The following DAP variants were observed in gnomAD, a reference collection of about 807,000 sequenced individuals.
The protein encoded by DAP is death associated protein, also known as death-associated protein 1.
DAP carries 8 observed loss-of-function variants against 13.8 expected under a neutral mutation model. The observed-to-expected ratio is 0.58, with a 90% CI of 0.34 to 1.05. The LOEUF (loss-of-function observed/expected upper bound fraction) is 1.05, where lower values mean the gene tolerates loss of function less well. Among genes scored for constraint, DAP ranks in the 50% least tolerant of loss-of-function variants. The pLI, the probability that DAP is intolerant of heterozygous loss-of-function variation, is 0.03. For missense variants in DAP, 106 were observed against 133.2 expected (o/e 0.80, Z 1.01); for synonymous variants, 47 against 47.5 (o/e 0.99, Z 0.04).
At chr5:10,696,618 TGACAA>T (rs1355722949) in intron 2 of DAP, among the ~76,000 whole-genome samples, 1 of 152,234 alleles carries the variant, frequency 6.6e-6, no homozygotes, top group African/African-American at 2.4e-5. Flanking sequence ...AGGCCTCCAC[TGACAA>T]GCTCATGTTT....
intron 2 of DAP, among the ~76,000 whole-genome samples, chr5:10,728,569 G>A (rs1306781573): frequency 6.6e-6 from 1 of 152,244 alleles, no homozygotes; most frequent in Non-Finnish European, 1.5e-5. Flanking sequence ...GCTACTAATT[G>A]ATAATTTTAC....
At chr5:10,743,100 T>C (rs1739802565) in intron 2 of DAP, among the ~76,000 whole-genome samples, 1 of 152,194 alleles carries the variant, frequency 6.6e-6, no homozygotes, top group Admixed American at 6.5e-5. Context: ...ATCCTAGTAT[T>C]CACATAAGGC....
chr5:10,728,513 C>T (rs926852666), intron 2 of DAP, among the ~76,000 whole-genome samples: 3 of 152,150 alleles, frequency 2.0e-5, no homozygotes, highest in African/African-American at 7.2e-5. Context: ...TAAATATAAA[C>T]GGATGTATGG....
intron 2 of DAP, among the ~76,000 whole-genome samples, chr5:10,685,549 A>C (rs1268842284): frequency 6.6e-6 from 1 of 152,236 alleles, no homozygotes; most frequent in Non-Finnish European, 1.5e-5. Flanking sequence ...GGCAGCACAA[A>C]GTTTCTTAAC....
intron 2 of DAP, among the ~76,000 whole-genome samples, chr5:10,700,574 C>T (rs766636125): frequency 4.6e-5 from 7 of 152,130 alleles, no homozygotes; most frequent in Non-Finnish European, 8.8e-5. Context: ...CCAGGGGCAG[C>T]GTGGATGTGT....
intron 2 of DAP, among the ~76,000 whole-genome samples, chr5:10,700,245 A>G (rs775575531): frequency 2.0e-4 from 31 of 152,186 alleles, no homozygotes; most frequent in Non-Finnish European, 3.2e-4. Context: ...CTTCTTCCAC[A>G]TGGCTGGGCA....
intron 2 of DAP, among the ~76,000 whole-genome samples, chr5:10,741,858 C>T (rs192813741): frequency 1.3e-5 from 2 of 152,354 alleles, no homozygotes; most frequent in Admixed American, 6.5e-5. Context: ...GAAGGTGGTG[C>T]TCTGCCTTCT....
At chr5:10,708,440 C>A (rs1188872201) in intron 2 of DAP, among the ~76,000 whole-genome samples, 3 of 92,966 alleles carry the variant, frequency 3.2e-5, no homozygotes, top group African/African-American at 9.4e-5. Context: ...ATACACATAT[C>A]AGACACACAC....
chr5:10,701,988 C>G (rs1315197553), intron 2 of DAP, among the ~76,000 whole-genome samples: 2 of 152,194 alleles, frequency 1.3e-5, no homozygotes, highest in African/African-American at 4.8e-5. Context: ...TCAAGGCTGG[C>G]TCATGTTCTC....
At position 10,739,201 on chromosome 5, in the gene DAP, C is replaced by CAAAAA. The variant is rs10644743; in HGVS notation, c.152+8969_152+8973dup. 3.6e-3 allele frequency among the ~76,000 whole-genome samples: 261 copies of CAAAAA among 71,592 alleles called. 13 individuals are homozygous for CAAAAA. The highest frequency in any genetic ancestry group is 0.011 in the African/African-American group (189 of 17,988). The allele number at this position is 71,592 out of a possible 152,430, so 47.0% of individuals were successfully genotyped here. A position where few individuals can be genotyped will look rare whatever the true frequency, so the allele number is the denominator to read the frequency against. On this transcript the variant is annotated intron_variant, in intron 2 of 3. Transcript: ENST00000230895. The stretch of plus-strand genomic sequence containing the variant: ...TGGGTGACAGAGCAAGACTCTGAAT[C>CAAAAA]AAAAAAAAAAAAAAAAAAAAAAAAA...
chr5:10,698,851 G>A (rs1738496312), intron 2 of DAP, among the ~76,000 whole-genome samples: 1 of 152,062 alleles, frequency 6.6e-6, no homozygotes, highest in Non-Finnish European at 1.5e-5. Flanking sequence ...TAAAATGAAG[G>A]TATGTTCCAA....
intron 2 of DAP, among the ~76,000 whole-genome samples, chr5:10,723,874 C>A (rs1352237673): frequency 6.6e-6 from 1 of 152,154 alleles, no homozygotes; most frequent in African/African-American, 2.4e-5. Context: ...GAAGGAGAGT[C>A]GCACATCTTG....
chr5:10,759,761 T>TTTTTTTG (rs1740292502), intron 1 of DAP, among the ~76,000 whole-genome samples: 1 of 145,836 alleles, frequency 6.9e-6, no homozygotes, highest in Non-Finnish European at 1.5e-5. Flanking sequence ...TTTTTTTTTT[T>TTTTTTTG]TTTTTTTGAG....
chr5:10,693,120 ACACG>A lies in DAP; in HGVS notation c.153-9553_153-9550del, dbSNP rs1006305771. 1.2e-4 allele frequency among the ~76,000 whole-genome samples: 5 copies of A among 40,324 alleles called. No individual in the cohort carries two copies. The East Asian group carries it at 1.7e-3, about 14-fold the overall frequency. 26.5% of individuals were successfully genotyped at this position (40,324 alleles called of 152,430 possible). Reference sequence around the variant, plus strand: ...AATTCTGGGATGGGGAGAAACATGCACACGCACACACACACACACACACACACAC... The same window carrying A: ...AATTCTGGGATGGGGAGAAACATGCACACACACACACACACACACACACAC... On this transcript the variant is annotated intron_variant, in intron 2 of 3. Transcript: ENST00000230895.
Position 10,695,678 on chromosome 5 carries a change from TGC to T in DAP, c.153-12109_153-12108del, listed in dbSNP as rs3839212. On this transcript the variant is annotated intron_variant, in intron 2 of 3. Coordinates refer to ENST00000230895, the MANE Select transcript of DAP (RefSeq NM_004394.3). ...CAATCTGCCCCTTCCTCAGAACTAC[TGC>T]TTCCAGGACACTGTGATTTCAGGAC... Among the ~76,000 whole-genome samples, 11 of 152,338 alleles carry T rather than the reference TGC, an allele frequency of 7.2e-5. No homozygotes were observed. The East Asian group carries it at 2.1e-3, about 29-fold the overall frequency.
chr5:10,732,042 TG>T (rs1304739279), intron 2 of DAP, among the ~76,000 whole-genome samples: 1 of 152,216 alleles, frequency 6.6e-6, no homozygotes, highest in East Asian at 1.9e-4. Flanking sequence ...TGAAGAGTCC[TG>T]ATGTCCCTGA....
intron 2 of DAP, among the ~76,000 whole-genome samples, chr5:10,715,450 T>G (rs1057035956): frequency 6.6e-6 from 1 of 152,144 alleles, no homozygotes; most frequent in Non-Finnish European, 1.5e-5. Context: ...CTTGGGGACA[T>G]GGAGTAGAAG....
chr5:10,746,831 G>T (rs1009232626), intron 2 of DAP, among the ~76,000 whole-genome samples: 1 of 152,104 alleles, frequency 6.6e-6, no homozygotes, highest in South Asian at 2.1e-4. Flanking sequence ...AATGGGGAAG[G>T]CCACTTAGAA....
chr5:10,701,779 T>C (rs185180790), intron 2 of DAP, among the ~76,000 whole-genome samples: 2 of 152,152 alleles, frequency 1.3e-5, no homozygotes, highest in Non-Finnish European at 2.9e-5. Flanking sequence ...CCTGGTGTTA[T>C]TACTAGCAGT....
Sources: gnomAD v4.1 joint callset for allele counts (sites outside exome capture counted in the v4.1 genomes callset) on GRCh38, gnomAD v4.1.1 for gene constraint, MANE v1.5 for transcripts, NCBI Gene and HGNC (gene_info 2026-07-23, HGNC 2026-07-21) for gene names.